The following DISC1 variants were observed in gnomAD, a reference collection of about 807,000 sequenced individuals.
DISC1 encodes the protein DISC1 scaffold protein.
A neutral mutation model predicts 84.5 loss-of-function variants in DISC1; 57 were observed. The observed-to-expected ratio is 0.67, with a 90% CI of 0.55 to 0.84. DISC1 has a LOEUF of 0.84. Ranked by LOEUF, DISC1 falls within the 40% of genes least tolerant of loss-of-function variation. DISC1 has a pLI of 0.00. For synonymous variants in DISC1, 411 were observed against 415.2 expected, an observed-to-expected ratio of 0.99 and a Z score of 0.12; for missense variants, 1,000 against 1,057.8, an observed-to-expected ratio of 0.95 and a Z score of 0.76.
chr1:231,664,019 T>TATCTATCC (rs1364960941), intron 1 of DISC1, among the ~76,000 whole-genome samples: 5 of 104,368 alleles, frequency 4.8e-5, no homozygotes, highest in East Asian at 1.3e-3. Flanking sequence ...ATGCCATATC[T>TATCTATCC]ATCTATCTAT....
At chr1:231,908,477 G>A (rs917088856) in intron 9 of DISC1, among the ~76,000 whole-genome samples, 1 of 152,206 alleles carries the variant, frequency 6.6e-6, no homozygotes, top group African/African-American at 2.4e-5. Flanking sequence ...TCAAAGATCA[G>A]ATGGTTGTAG....
intron 9 of DISC1, among the ~76,000 whole-genome samples, chr1:231,862,541 A>G (rs2084748852): frequency 6.6e-6 from 1 of 152,178 alleles, no homozygotes; most frequent in Non-Finnish European, 1.5e-5. Flanking sequence ...TATCTGGTGT[A>G]TGATTGCTTT....
chr1:231,690,299 C>A (rs2064837114), intron 1 of DISC1, among the ~76,000 whole-genome samples: 2 of 152,184 alleles, frequency 1.3e-5, no homozygotes, highest in Admixed American at 6.5e-5. Flanking sequence ...AACAAGAGTC[C>A]TCGAGCAGCA....
At chr1:231,830,135 T>C (rs2082125306) in intron 9 of DISC1, among the ~76,000 whole-genome samples, 1 of 152,032 alleles carries the variant, frequency 6.6e-6, no homozygotes, top group Non-Finnish European at 1.5e-5. Flanking sequence ...GGTGGTAAAG[T>C]GTTGGGATGG....
chr1:231,691,932 A>G (rs534507110), intron 1 of DISC1, among the ~76,000 whole-genome samples: 31 of 152,180 alleles, frequency 2.0e-4, no homozygotes, highest in African/African-American at 6.5e-4. Flanking sequence ...ATCCTTTTCT[A>G]CTGGCTTCAA....
intron 3 of DISC1, among the ~76,000 whole-genome samples, chr1:231,705,032 G>A (rs1045806108): frequency 1.9e-4 from 29 of 151,616 alleles, no homozygotes; most frequent in Non-Finnish European, 2.4e-4. Flanking sequence ...TACATAATAT[G>A]TCCCTTAAAA....
chr1:231,799,712 T>A (rs1468848664), intron 7 of DISC1, among the ~76,000 whole-genome samples: 1 of 151,618 alleles, frequency 6.6e-6, no homozygotes, highest in African/African-American at 2.4e-5. Context: ...TGTTACCTTG[T>A]GGTTGCTCTC....
intron 3 of DISC1, chr1:231,723,534 C>T (rs1444793201): frequency 1.0e-6 from 1 of 985,366 alleles, no homozygotes; most frequent in Middle Eastern, 5.2e-4. Context: ...GGTTAAATTT[C>T]ATATAGCATG....
chr1:231,858,750 A>AGTTT (rs2084436292), intron 9 of DISC1, among the ~76,000 whole-genome samples: 1 of 152,162 alleles, frequency 6.6e-6, no homozygotes, highest in Non-Finnish European at 1.5e-5. Context: ...GTGCTGTAGA[A>AGTTT]GTTTCCATAC....
intron 5 of DISC1, among the ~76,000 whole-genome samples, chr1:231,767,686 G>A (rs767601233): frequency 6.6e-6 from 1 of 152,176 alleles, no homozygotes; most frequent in African/African-American, 2.4e-5. Context: ...CTGTCAAGCC[G>A]GGGAGTACAA....
In DISC1 at chr1:231,761,671, G is replaced by A. The variant is rs199801705; in HGVS notation, c.1269-5469G>A. 1.6e-3 allele frequency among the ~76,000 whole-genome samples: 243 copies of A among 152,254 alleles called. 1 individual carries two copies. The Middle Eastern group carries it at 0.048, about 30-fold the overall frequency. On this transcript the variant is annotated intron_variant, in intron 4 of 12. Transcript: ENST00000439617. Reference sequence around the variant, plus strand: ...GATTTCCTTCAATGACTCTCATCCCGACCCAGATGGTATCTATTTAGGAAA... The same window carrying A: ...GATTTCCTTCAATGACTCTCATCCCAACCCAGATGGTATCTATTTAGGAAA...
chr1:231,668,400 TAAACTAGA>T (rs1338514676), intron 1 of DISC1, among the ~76,000 whole-genome samples: 1 of 152,194 alleles, frequency 6.6e-6, no homozygotes, highest in African/African-American at 2.4e-5. Context: ...CTTGTGGGTA[TAAACTAGA>T]ATAACTTTAT....
intron 3 of DISC1, among the ~76,000 whole-genome samples, chr1:231,742,938 CT>C (rs150962750): frequency 1.8e-4 from 27 of 152,236 alleles, no homozygotes; most frequent in African/African-American, 6.5e-4. Context: ...GATGCCTACC[CT>C]TTTGAAGGTG....
At chr1:231,907,520 G>T (rs945845285) in intron 9 of DISC1, among the ~76,000 whole-genome samples, 1 of 152,062 alleles carries the variant, frequency 6.6e-6, no homozygotes, top group African/African-American at 2.4e-5. Flanking sequence ...CCTTTTTTAT[G>T]GCTGCATAGT....
intron 3 of DISC1, chr1:231,720,711 G>A (rs2069552067): frequency 1.4e-5 from 8 of 580,774 alleles, no homozygotes; most frequent in South Asian, 5.3e-5. Context: ...CTACCACTGG[G>A]TGATTTTTTT....
At position 231,897,018 on chromosome 1, in the gene DISC1, A is replaced by G. The variant is rs60230211; in HGVS notation, c.1982-61810A>G. 0.01 allele frequency among the ~76,000 whole-genome samples: 1,535 copies of G among 152,282 alleles called. 17 individuals carry two copies. Among genetic ancestry groups the G allele is most frequent in the African/African-American group, 0.034 (1,426 of 41,566 alleles). On this transcript the variant is annotated intron_variant, in intron 9 of 12. Transcript: ENST00000439617. This position sits in a 1 kb window ranked among gnomAD's most constrained non-coding sequence, Gnocchi z 4.5. ...ACTGTTACGGGATCTAGAAACATAC[A>G]TGATCAGACACGTGAACCCACGGGG...
intron 10 of DISC1, among the ~76,000 whole-genome samples, chr1:231,976,352 A>T (rs59064678): frequency 0.024 from 3,650 of 152,318 alleles, 121 homozygotes; most frequent in African/African-American, 0.082. Context: ...ACCACTGAGC[A>T]GAAAATGCAG....
At chr1:232,020,883 TC>T (rs1249012386) in intron 11 of DISC1, among the ~76,000 whole-genome samples, 3 of 152,150 alleles carry the variant, frequency 2.0e-5, no homozygotes, top group African/African-American at 7.2e-5. Flanking sequence ...TACCAGGGGA[TC>T]TCTGCAGAAT....
intron 9 of DISC1, among the ~76,000 whole-genome samples, chr1:231,889,504 T>A (rs544792801): frequency 6.6e-6 from 1 of 152,164 alleles, no homozygotes; most frequent in African/African-American, 2.4e-5. Context: ...AGACAGTATG[T>A]TTGGTGATTG....
Sources: gnomAD v4.1 joint callset for allele counts (sites outside exome capture counted in the v4.1 genomes callset) on GRCh38, gnomAD v4.1.1 for gene constraint, Gnocchi (gnomAD v3.1) non-coding constraint, MANE v1.5 for transcripts, NCBI Gene and HGNC (gene_info 2026-07-23, HGNC 2026-07-21) for gene names.